The following COL4A4 variants were observed in gnomAD, a reference collection of about 807,000 sequenced individuals.
The protein encoded by COL4A4 is collagen type IV alpha 4 chain, also known as collagen alpha-4(IV) chain.
A neutral mutation model predicts 192.9 loss-of-function variants in COL4A4; 105 were observed. The ratio of observed to expected loss-of-function variants is 0.54; its 90% CI spans 0.46 to 0.64. The LOEUF is 0.64. Among genes scored for constraint, COL4A4 ranks in the 30% least tolerant of loss-of-function variants. The pLI, the probability that COL4A4 is intolerant of heterozygous loss-of-function variation, is 0.00. For synonymous variants in COL4A4, 762 were observed against 769.9 expected, an observed-to-expected ratio of 0.99 and a Z score of 0.17; for missense variants, 1,967 against 2,169.3, an observed-to-expected ratio of 0.91 and a Z score of 1.85.
intron 4 of COL4A4, 60 bp downstream of exon 4, chr2:227,140,101 A>T: frequency 7.0e-7 from 1 of 1,435,708 alleles, no homozygotes; most frequent in South Asian, 1.1e-5. Context: ...CTTTATATTA[A>T]ATATTCACAA....
intron 1 of COL4A4, among the ~76,000 whole-genome samples, chr2:227,148,542 T>C (rs533222092): frequency 1.3e-5 from 2 of 152,306 alleles, no homozygotes; most frequent in East Asian, 3.9e-4. Flanking sequence ...TGGTTATGGC[T>C]GCACAACATT....
chr2:227,080,530 A>AC lies in COL4A4; in HGVS notation c.1715dup (p.Pro573SerfsTer2). ...CTGGAAATCCTGGGGGCCCATCAGG[A>AC]CCTCTTTCTCCTTTGTGCCCTGGAA... is the stretch of plus-strand genomic sequence containing the variant. On this transcript the variant is annotated frameshift_variant, in exon 24 of 48. Coordinates refer to ENST00000396625, the MANE Select transcript of COL4A4 (RefSeq NM_000092.5). LOFTEE classifies it high-confidence loss of function. 1 of 1,613,954 alleles carries AC rather than the reference A, an allele frequency of 6.2e-7. No homozygotes were observed. The highest frequency in any genetic ancestry group is 8.5e-7 in the Non-Finnish European group (1 of 1,179,984).
chr2:227,122,762 A>T (rs2061867580), intron 4 of COL4A4, among the ~76,000 whole-genome samples: 1 of 152,220 alleles, frequency 6.6e-6, no homozygotes, highest in African/African-American at 2.4e-5. Flanking sequence ...TCAACCCCAC[A>T]TTGGGTAGAA....
chr2:227,030,676 G>T, intron 40 of COL4A4, 78 bp from the exon 41 acceptor site: 3 of 1,159,660 alleles, frequency 2.6e-6, no homozygotes, highest in Non-Finnish European at 3.6e-6. Context: ...AGCTTCCGAA[G>T]AAAAACAATT....
chr2:227,002,012 A>AAAT (rs932516310), downstream of COL4A4, among the ~76,000 whole-genome samples: 1 of 152,042 alleles, frequency 6.6e-6, no homozygotes, highest in African/African-American at 2.4e-5. Context: ...GCTTCTATAA[A>AAAT]AATTAAAAAT....
At chr2:227,016,054 G>A (rs377284120) in intron 44 of COL4A4, among the ~76,000 whole-genome samples, 1 of 151,860 alleles carries the variant, frequency 6.6e-6, no homozygotes, top group Admixed American at 6.6e-5. Flanking sequence ...ACATTAGGTG[G>A]TTCTGCACCG....
intron 12 of COL4A4, among the ~76,000 whole-genome samples, chr2:227,106,864 C>T (rs2060878464): frequency 6.6e-6 from 1 of 152,204 alleles, no homozygotes; most frequent in Non-Finnish European, 1.5e-5. Flanking sequence ...CTGGGCCTGG[C>T]CCAAAATTGT....
intron 20 of COL4A4, 58 bp downstream of exon 20, chr2:227,094,067 C>T: frequency 1.4e-6 from 2 of 1,439,082 alleles, no homozygotes; most frequent in Non-Finnish European, 1.9e-6. Flanking sequence ...TTCTTAGTGG[C>T]ACTGCAAATA....
At position 227,119,956 on chromosome 2, in the gene COL4A4, TAAAAC is replaced by T. The variant is rs755716608; in HGVS notation, c.328-22_328-18del. 4.5e-6 allele frequency: 7 copies of T among 1,546,098 alleles called. No individual in the cohort carries two copies. Among genetic ancestry groups the T allele is most frequent in the Middle Eastern group, 1.8e-4 (1 of 5,508 alleles). The stretch of plus-strand genomic sequence containing the variant: ...AGTTGGACCCTAAAATCCCAGAAAA[TAAAAC>T]AAAGAGATAAAAATTATTAAATTAA... On this transcript the variant is annotated intron_variant, in intron 5 of 47. Transcript: ENST00000396625.
the COL4A4 span, chr2:226,968,892 TG>T: frequency 6.6e-6 from 1 of 152,256 alleles, no homozygotes; most frequent in African/African-American, 2.4e-5. Context: ...TTGTCATAAC[TG>T]TCCTCCAGGA....
rs542020021 is a variant in COL4A4, at chr2:227,107,535, G to A, written c.735+1046C>T. Reference sequence around the variant, plus strand: ...TATATATATTTTTGACTCCTGTGCCGTTCTGTTAAATGACTGTACCATGAC... The same window carrying A: ...TATATATATTTTTGACTCCTGTGCCATTCTGTTAAATGACTGTACCATGAC... On this transcript the variant is annotated intron_variant, in intron 12 of 47. Coordinates refer to ENST00000396625, the MANE Select transcript of COL4A4 (RefSeq NM_000092.5). Among the ~76,000 whole-genome samples, 15 of 152,192 alleles carry A rather than the reference G, an allele frequency of 9.9e-5. No homozygotes were observed. In the South Asian group the frequency reaches 2.1e-3, roughly 21 times the overall value.
chr2:227,053,541 T>A (rs1018478515), intron 31 of COL4A4, among the ~76,000 whole-genome samples: 1 of 129,394 alleles, frequency 7.7e-6, no homozygotes, highest in African/African-American at 3.1e-5. Flanking sequence ...TTTTTTCTTT[T>A]TCTTTTTTTT....
chr2:227,132,949 C>T (rs2062576679), intron 4 of COL4A4, among the ~76,000 whole-genome samples: 1 of 152,130 alleles, frequency 6.6e-6, no homozygotes, highest in Non-Finnish European at 1.5e-5. Context: ...TCAGACGTTA[C>T]ATTTGTACTA....
chr2:227,031,041 A>AGATGGATGGATGGATGGATG (rs58038992), intron 40 of COL4A4, among the ~76,000 whole-genome samples: 13,104 of 146,124 alleles, frequency 0.09, 666 homozygotes, highest in African/African-American at 0.12. Flanking sequence ...TTGGATGGAC[A>AGATGGATGGATGGATGGATG]GATGGATGGA....
At chr2:227,011,453 G>A (rs1365941523) in intron 45 of COL4A4, among the ~76,000 whole-genome samples, 1 of 152,186 alleles carries the variant, frequency 6.6e-6, no homozygotes, top group Non-Finnish European at 1.5e-5. Context: ...GAGCTGCGCT[G>A]CAGCTTTTAG....
At chr2:227,067,611 A>G (rs1303159983) in intron 25 of COL4A4, among the ~76,000 whole-genome samples, 4 of 152,206 alleles carry the variant, frequency 2.6e-5, no homozygotes, top group Non-Finnish European at 4.4e-5. Context: ...CTGCTCCTGA[A>G]TGACTACTGG....
intron 4 of COL4A4, among the ~76,000 whole-genome samples, chr2:227,129,701 G>A (rs553415779): frequency 2.6e-5 from 4 of 152,102 alleles, no homozygotes; most frequent in Non-Finnish European, 5.9e-5. Context: ...GAGCCACTGC[G>A]CCTGGCCTCT....
the COL4A4 span, among the ~76,000 whole-genome samples, chr2:226,987,642 C>G: frequency 3.3e-5 from 5 of 152,220 alleles, no homozygotes; most frequent in African/African-American, 1.2e-4. Context: ...TCCAGGCCCC[C>G]CTCTGGGTAC....
intron 22 of COL4A4, among the ~76,000 whole-genome samples, chr2:227,083,638 G>C (rs930764116): frequency 9.9e-5 from 15 of 152,066 alleles, no homozygotes; most frequent in African/African-American, 2.9e-4. Context: ...TTTGTGTGTA[G>C]AGATGGGGTC....
Sources: gnomAD v4.1 joint callset for allele counts (sites outside exome capture counted in the v4.1 genomes callset) on GRCh38, gnomAD v4.1.1 for gene constraint, MANE v1.5 for transcripts, NCBI Gene and HGNC (gene_info 2026-07-23, HGNC 2026-07-21) for gene names.